Variants in PELI2 observed in about 807,000 individuals in gnomAD.
PELI2 encodes pellino E3 ubiquitin protein ligase family member 2, also known as E3 ubiquitin-protein ligase pellino homolog 2.
Under a neutral mutation model 42.3 loss-of-function variants are expected in PELI2, and 23 were observed. That is an observed-to-expected ratio of 0.54 (90% CI 0.39 to 0.77). PELI2 has a LOEUF of 0.77. Ranked by LOEUF, PELI2 falls within the 30% of genes least tolerant of loss-of-function variation. The probability of loss-of-function intolerance (pLI) is 0.00; values close to 1 mark genes in which losing one functional copy is unlikely to be tolerated. For missense variants in PELI2, 463 were observed against 553.2 expected, an observed-to-expected ratio of 0.84 and a Z score of 1.64; for synonymous variants, 245 against 212.2, an observed-to-expected ratio of 1.15 and a Z score of -1.34.
chr14:56,172,120 A>T (rs1446964634), intron 1 of PELI2, among the ~76,000 whole-genome samples: 1 of 152,204 alleles, frequency 6.6e-6, no homozygotes, highest in South Asian at 2.1e-4. Context: ...ACCTACCCCA[A>T]ACTTAGTGGC....
chr14:56,218,063 C>CA (rs1480560452), intron 2 of PELI2, among the ~76,000 whole-genome samples: 1 of 152,194 alleles, frequency 6.6e-6, no homozygotes, highest in African/African-American at 2.4e-5. Flanking sequence ...ATAATGAGGA[C>CA]ACCTGCTCAA....
chr14:56,199,290 G>A (rs898134298), intron 2 of PELI2, among the ~76,000 whole-genome samples: 3 of 152,068 alleles, frequency 2.0e-5, no homozygotes, highest in East Asian at 1.9e-4. Context: ...TGAATGTAGC[G>A]GTTCTGCCTG....
intron 2 of PELI2, 31 bp from the exon 3 acceptor site, chr14:56,279,645 G>A (rs762416261): frequency 1.6e-6 from 2 of 1,237,460 alleles, no homozygotes; most frequent in Non-Finnish European, 2.4e-6. Flanking sequence ...AAATGGAATT[G>A]TAATGGATTT....
At chr14:56,228,763 G>A (rs1417842430) in intron 2 of PELI2, among the ~76,000 whole-genome samples, 2 of 152,226 alleles carry the variant, frequency 1.3e-5, no homozygotes, top group Non-Finnish European at 2.9e-5. Context: ...TGGACAGTGG[G>A]TGCAGCCCAC....
At chr14:56,188,014 A>C (rs2139682882) in intron 2 of PELI2, among the ~76,000 whole-genome samples, 1 of 152,320 alleles carries the variant, frequency 6.6e-6, no homozygotes, top group Non-Finnish European at 1.5e-5. Flanking sequence ...CTAGCCCTCA[A>C]TATCAGTATT....
At chr14:56,191,120 T>A (rs1885935961) in intron 2 of PELI2, among the ~76,000 whole-genome samples, 1 of 152,136 alleles carries the variant, frequency 6.6e-6, no homozygotes, top group African/African-American at 2.4e-5. Flanking sequence ...TTGGACTTGG[T>A]CCTGACAAGT....
intron 2 of PELI2, among the ~76,000 whole-genome samples, chr14:56,278,099 C>T (rs1321215934): frequency 2.0e-5 from 3 of 152,088 alleles, no homozygotes; most frequent in Non-Finnish European, 4.4e-5. Context: ...ATTTAAAATG[C>T]AATAGATACT....
chr14:56,287,030 G>A (rs1428994417), intron 3 of PELI2, among the ~76,000 whole-genome samples: 1 of 152,154 alleles, frequency 6.6e-6, no homozygotes, highest in Admixed American at 6.5e-5. Flanking sequence ...TTCTAGAAAA[G>A]AGTAATTTCT....
chr14:56,165,932 A>G (rs1373960570), intron 1 of PELI2, among the ~76,000 whole-genome samples: 1 of 152,152 alleles, frequency 6.6e-6, no homozygotes, highest in Non-Finnish European at 1.5e-5. Context: ...GTTGTAGGCA[A>G]CAGATCAATG....
chr14:56,207,781 A>G (rs928316816), intron 2 of PELI2, among the ~76,000 whole-genome samples: 2 of 152,206 alleles, frequency 1.3e-5, no homozygotes, highest in African/African-American at 2.4e-5. Context: ...GCCAGAAGGT[A>G]AAGAGTGCCT....
intron 2 of PELI2, among the ~76,000 whole-genome samples, chr14:56,277,327 C>T (rs1161485735): frequency 1.3e-5 from 2 of 151,930 alleles, no homozygotes; most frequent in South Asian, 2.1e-4. Flanking sequence ...CATAGGAGCA[C>T]GAACCCTATT....
chr14:56,147,910 G>T (rs1290811174), intron 1 of PELI2, among the ~76,000 whole-genome samples: 2 of 152,186 alleles, frequency 1.3e-5, no homozygotes, highest in East Asian at 3.8e-4. Flanking sequence ...ATCAGATTTG[G>T]TACAAGACTG....
At chr14:56,155,627 G>T (rs1884533555) in intron 1 of PELI2, among the ~76,000 whole-genome samples, 1 of 150,148 alleles carries the variant, frequency 6.7e-6, no homozygotes, top group African/African-American at 2.5e-5. Context: ...TGTCACCCAG[G>T]CTGGAGTGCA....
chr14:56,257,081 A>G (rs1333584941), intron 2 of PELI2, among the ~76,000 whole-genome samples: 1 of 152,214 alleles, frequency 6.6e-6, no homozygotes, highest in Non-Finnish European at 1.5e-5. Flanking sequence ...AATAGTATAT[A>G]GTGGGCATCA....
intron 2 of PELI2, among the ~76,000 whole-genome samples, chr14:56,198,301 T>C (rs1886212877): frequency 6.6e-6 from 1 of 152,044 alleles, no homozygotes; most frequent in Admixed American, 6.5e-5. Flanking sequence ...GAATCTGGAA[T>C]TCAACCATGT....
At chr14:56,185,877 T>C (rs1035091932) in intron 2 of PELI2, among the ~76,000 whole-genome samples, 2 of 152,224 alleles carry the variant, frequency 1.3e-5, no homozygotes, top group Admixed American at 1.3e-4. Flanking sequence ...GACATTTGTC[T>C]CTTTTTTCCT....
intron 2 of PELI2, among the ~76,000 whole-genome samples, chr14:56,251,431 G>A (rs926421629): frequency 6.6e-6 from 1 of 152,220 alleles, no homozygotes; most frequent in Non-Finnish European, 1.5e-5. Flanking sequence ...ACAGTCAAGT[G>A]TTCTAGTACG....
intron 2 of PELI2, among the ~76,000 whole-genome samples, chr14:56,253,340 G>C (rs1469262104): frequency 1.3e-5 from 2 of 152,202 alleles, no homozygotes; most frequent in Middle Eastern, 3.2e-3. Flanking sequence ...AGTATTGGAA[G>C]TTCTGTCCAG....
chr14:56,215,376 G>A (rs987124677), intron 2 of PELI2, among the ~76,000 whole-genome samples: 2 of 152,130 alleles, frequency 1.3e-5, no homozygotes, highest in Non-Finnish European at 2.9e-5. Context: ...AAAGCCCGCC[G>A]GGGGAGCATG....
Sources: allele counts gnomAD v4.1 joint callset (sites outside exome capture counted in the v4.1 genomes callset), GRCh38; gene constraint gnomAD v4.1.1; transcripts MANE v1.5; gene names NCBI Gene and HGNC (gene_info 2026-07-23, HGNC 2026-07-21).